The following USF3 variants were observed in gnomAD, a reference collection of about 807,000 sequenced individuals.
The protein encoded by USF3 is basic helix-loop-helix domain-containing protein USF3.
Under a neutral mutation model 157.5 loss-of-function variants are expected in USF3, and 29 were observed. The ratio of observed to expected loss-of-function variants is 0.18; its 90% confidence interval spans 0.14 to 0.25. USF3 has a LOEUF of 0.25. USF3 is among the 10% of genes least tolerant of loss of function. The pLI is 1.00. For missense variants in USF3, 2,381 were observed against 2,667.6 expected, an observed-to-expected ratio of 0.89 and a Z score of 2.37; for synonymous variants, 893 against 941.4, an observed-to-expected ratio of 0.95 and a Z score of 0.94.
intron 2 of USF3, among the ~76,000 whole-genome samples, chr3:113,675,420 T>C (rs538186553): frequency 3.7e-4 from 57 of 152,328 alleles, no homozygotes; most frequent in African/African-American, 1.3e-3. Flanking sequence ...TTCAAACTGC[T>C]AGAAGTCTCA....
chr3:113,660,734 A>G lies in USF3; in HGVS notation c.948T>C (p.His316=), dbSNP rs757343695. 5 of 1,614,100 alleles carry G rather than the reference A, an allele frequency of 3.1e-6. No homozygotes were observed. Among genetic ancestry groups the G allele is most frequent in the Non-Finnish European group, 3.4e-6 (4 of 1,180,048 alleles). The change falls in exon 7 of 7, where the codon CAT becomes CAC. Residue 316 remains histidine, a synonymous_variant. Transcript: ENST00000316407. ...SSSATATKVH[H]GNKSCLSIQD... ...GTATGCTCAGGCAGGACTTGTTTCC[A>G]TGGTGCACTTTAGTGGCAGTTGCTG...
chr3:113,650,768 C>T lies in USF3; in HGVS notation c.*4176G>A, dbSNP rs1947247498. On this transcript the variant is annotated 3_prime_UTR_variant, in exon 7 of 7. Transcript: ENST00000316407. Reference sequence around the variant, plus strand: ...AATTTTTAAAAGTTGATCTTTGTTGCAGTTCAGTATAACCCTGATATGTGA... The same window carrying T: ...AATTTTTAAAAGTTGATCTTTGTTGTAGTTCAGTATAACCCTGATATGTGA... The T allele has an allele frequency of 6.6e-6, 1 of 152,080 alleles. No individual in the cohort carries two copies. The highest frequency in any genetic ancestry group is 2.1e-4 in the South Asian group (1 of 4,824). 9.4% of individuals were successfully genotyped at this position (152,080 alleles called of 1,614,324 possible). A position where few individuals can be genotyped will look rare whatever the true frequency, so the allele number is the denominator to read the frequency against.
Position 113,657,171 on chromosome 3 carries a change from G to A in USF3, c.4511C>T (p.Ser1504Phe). The change falls in exon 7 of 7, where the codon TCT (serine) becomes TTT (phenylalanine). Residue 1504 changes from serine (S) to phenylalanine (F), a missense_variant. Around this residue, in one of 6 missense-constraint regions of USF3, gnomAD observed 50 missense variants for 79.7 expected, o/e 0.63. Coordinates refer to ENST00000316407, the MANE Select transcript of USF3 (RefSeq NM_001009899.4). ...CTGTTGGTGGACATTATGGGGCTGA[G>A]AGTGGACAGAGCTCTCTGCATGAGG... ...HVPHAESSVH[S>F]QPHNVHQQRT... 6.2e-7 allele frequency: 1 copy of A among 1,614,170 alleles called. No homozygotes were observed. Among genetic ancestry groups the A allele is most frequent in the South Asian group, 1.1e-5 (1 of 91,084 alleles).
intron 5 of USF3, among the ~76,000 whole-genome samples, 161 bp downstream of exon 5, chr3:113,669,960 T>C (rs1383680557): frequency 3.3e-5 from 5 of 152,138 alleles, no homozygotes; most frequent in African/African-American, 2.4e-5. Flanking sequence ...TACTAAAAGA[T>C]TGTTGGAAGA....
At chr3:113,682,347 A>G (rs1213892315) in intron 1 of USF3, among the ~76,000 whole-genome samples, 1 of 150,542 alleles carries the variant, frequency 6.6e-6, no homozygotes, top group African/African-American at 2.4e-5. Flanking sequence ...AAAAACAAAC[A>G]AACAAAAAAA....
Position 113,660,806 on chromosome 3 carries a change from T to A in USF3, c.876A>T (p.Val292=), listed in dbSNP as rs781438099. Residue 292 remains valine (V), a synonymous_variant, in exon 7 of 7, where the codon GTA becomes GTT. Transcript: ENST00000316407. The part of the protein sequence containing the change: ...ENKNGQENPK[V]LKKMTPCVTN... The stretch of plus-strand genomic sequence containing the variant: ...TAACACAAGGGGTCATTTTCTTCAA[T>A]ACTTTGGGGTTCTCTTGTCCATTCT... The A allele has an allele frequency of 6.2e-7, 1 of 1,614,206 alleles. No individual in the cohort carries two copies. The highest frequency in any genetic ancestry group is 8.5e-7 in the Non-Finnish European group (1 of 1,180,048).
chr3:113,669,995 T>C, intron 5 of USF3, 126 bp downstream of exon 5: 1 of 631,774 alleles, frequency 1.6e-6, no homozygotes, highest in Non-Finnish European at 2.8e-6. Context: ...AACAAGGCAA[T>C]TATTAACTTC....
chr3:113,677,446 T>C (rs920440900), intron 1 of USF3, 49 bp from the exon 2 acceptor site: 9 of 152,216 alleles, frequency 5.9e-5, no homozygotes, highest in Non-Finnish European at 1.3e-4. Flanking sequence ...AGGTGTCCAT[T>C]AGCACCGCGT....
In USF3 at chr3:113,659,727, A is replaced by G. The variant is rs1288453592; in HGVS notation, c.1955T>C (p.Phe652Ser). 1 of 1,614,128 alleles carries G rather than the reference A, an allele frequency of 6.2e-7. No homozygotes were observed. The highest frequency in any genetic ancestry group is 1.3e-5 in the African/African-American group (1 of 74,940). Residue 652 changes from phenylalanine (F) to serine (S), a missense_variant, in exon 7 of 7, where the codon TTT becomes TCT. By Grantham distance (155) the Phe-to-Ser change is radical. Around this residue, in one of 6 missense-constraint regions of USF3, gnomAD observed 1,435 missense variants for 1,550.9 expected, o/e 0.93. Coordinates refer to ENST00000316407, the MANE Select transcript of USF3 (RefSeq NM_001009899.4). ...SLSASNSTQT[F>S]SVTMSNQQPQ... ...CTGTTGGTTTGACATGGTAACAGAA[A>G]AAGTTTGTGTTGAGTTAGACGCTGA...
At chr3:113,662,401 G>A (rs1947500743) in intron 6 of USF3, among the ~76,000 whole-genome samples, 1 of 152,174 alleles carries the variant, frequency 6.6e-6, no homozygotes, top group Non-Finnish European at 1.5e-5. Flanking sequence ...TTAGCTGCTG[G>A]TATATGCTCT....
At chr3:113,670,383 G>A (rs1318351981) in intron 4 of USF3, 180 bp from the exon 5 acceptor site, 1 of 583,658 alleles carries the variant, frequency 1.7e-6, no homozygotes, top group Non-Finnish European at 3.1e-6. Context: ...TGGATCACCT[G>A]AGGTCAGGAG....
chr3:113,674,452 C>T (rs950832882), intron 3 of USF3, among the ~76,000 whole-genome samples: 1 of 152,014 alleles, frequency 6.6e-6, no homozygotes, highest in African/African-American at 2.4e-5. Context: ...AAGCAATTCT[C>T]CTGCCTCAGC....
At chr3:113,679,007 G>GTCTCTCTCTC (rs1367267326) in intron 1 of USF3, among the ~76,000 whole-genome samples, 2 of 119,168 alleles carry the variant, frequency 1.7e-5, no homozygotes, top group Non-Finnish European at 3.8e-5. Context: ...GTCCAGGCTG[G>GTCTCTCTCTC]TGTCTCTCTC....
intron 1 of USF3, among the ~76,000 whole-genome samples, chr3:113,694,690 G>A (rs997826541): frequency 2.0e-5 from 3 of 152,210 alleles, no homozygotes; most frequent in African/African-American, 7.2e-5. Context: ...GATAGCTGAT[G>A]AGCTTAAATA....
Position 113,656,944 on chromosome 3 carries a change from C to T in USF3, c.4738G>A (p.Glu1580Lys), listed in dbSNP as rs1017855457. 2 of 1,614,016 alleles carry T rather than the reference C, an allele frequency of 1.2e-6. No individual in the cohort carries two copies. Among genetic ancestry groups the T allele is most frequent in the African/African-American group, 2.7e-5 (2 of 74,908 alleles). Residue 1580 changes from glutamate to lysine, a missense_variant, in exon 7 of 7, where the codon GAA becomes AAA. By Grantham distance (56) the Glu-to-Lys change is moderately conservative (BLOSUM62 1). This residue lies in a region of USF3 where 770 missense variants were observed against 824.2 expected (regional missense o/e 0.93). Coordinates refer to ENST00000316407, the MANE Select transcript of USF3 (RefSeq NM_001009899.4). The stretch of plus-strand genomic sequence containing the variant: ...TGGTTCCGACTAGTTGAAGGGTTTT[C>T]ACAGCTCTTCTCTGTCTGGGAGCTT... The part of the protein sequence containing the change: ...FGSSQTEKSC[E>K]NPSTSRNHHN...
Position 113,650,398 on chromosome 3 carries a change from C to T in USF3, c.*4546G>A, listed in dbSNP as rs1456809217. The T allele has an allele frequency of 6.5e-6, 1 of 154,230 alleles. No homozygotes were observed. The highest frequency in any genetic ancestry group is 1.4e-5 in the Non-Finnish European group (1 of 69,590). The allele number at this position is 154,230 out of a possible 1,614,324, so 9.6% of individuals were successfully genotyped here. A position where few individuals can be genotyped will look rare whatever the true frequency, so the allele number is the denominator to read the frequency against. On this transcript the variant is annotated 3_prime_UTR_variant, in exon 7 of 7. Coordinates refer to ENST00000316407, the MANE Select transcript of USF3 (RefSeq NM_001009899.4). ...ACTGATTTGGGAGTATGACTCACTA[C>T]CACACACTGATCCATACATGGTGGG...
rs1650949361 is a variant in USF3 at position 113,660,408 on chromosome 3, G to A, written c.1274C>T (p.Ser425Leu). The change falls in exon 7 of 7, where the codon TCA (serine) becomes TTA (leucine). Residue 425 changes from serine (S) to leucine (L), a missense_variant. Coordinates refer to ENST00000316407, the MANE Select transcript of USF3 (RefSeq NM_001009899.4). ...CCACGTTGTCTGTGTGTTTCCAGCT[G>A]AAGAGATTCGTGTAAGGCTATTAAT... ...KNINSLTRIS[S>L]AGNTQTTWTT... 6.2e-7 allele frequency: 1 copy of A among 1,614,036 alleles called. No homozygotes were observed. The highest frequency in any genetic ancestry group is 8.5e-7 in the Non-Finnish European group (1 of 1,179,988).
rs1410025426 is a variant in USF3, at chr3:113,655,182, G to T, written c.6500C>A (p.Pro2167Gln). 6.2e-7 allele frequency: 1 copy of T among 1,614,194 alleles called. No homozygotes were observed. Among genetic ancestry groups the T allele is most frequent in the Non-Finnish European group, 8.5e-7 (1 of 1,180,038 alleles). Reference protein sequence around the residue: ...SPPRPVGFAQPSFPLLPDMPP... With the variant: ...SPPRPVGFAQQSFPLLPDMPP... ...CATATCTGGGAGAAGAGGAAAACTTGGTTGAGCAAACCCAACAGGTCTGGG... is the reference window on the plus strand; with the variant it reads ...CATATCTGGGAGAAGAGGAAAACTTTGTTGAGCAAACCCAACAGGTCTGGG... The change falls in exon 7 of 7, where the codon CCA becomes CAA. Residue 2167 changes from proline to glutamine, a missense_variant. Physicochemically the swap from Pro to Gln is moderately conservative, Grantham distance 76. Coordinates refer to ENST00000316407, the MANE Select transcript of USF3 (RefSeq NM_001009899.4).
chr3:113,650,066 C>A lies in USF3; in HGVS notation c.*4878G>T. On this transcript the variant is annotated 3_prime_UTR_variant, in exon 7 of 7. Transcript: ENST00000316407. ...TCTGGTTGTTGGCTATTACTGTTGC[C>A]CTCTGGATGTACACAGCCACAGGCG... The A allele has an allele frequency of 1.7e-6, 1 of 573,396 alleles. No homozygotes were observed. The highest frequency in any genetic ancestry group is 3.1e-6 in the Non-Finnish European group (1 of 323,410). The allele number at this position is 573,396 out of a possible 1,614,324, so 35.5% of individuals were successfully genotyped here. A position where few individuals can be genotyped will look rare whatever the true frequency, so the allele number is the denominator to read the frequency against.
Sources: gnomAD v4.1 joint callset for allele counts (sites outside exome capture counted in the v4.1 genomes callset) on GRCh38, gnomAD v4.1.1 for gene constraint, gnomAD v4.1.1 regional missense constraint, MANE v1.5 for transcripts, NCBI Gene and HGNC (gene_info 2026-07-23, HGNC 2026-07-21) for gene names.